ADGRL4: variants seen among roughly 807,000 people sequenced by gnomAD.
ADGRL4 encodes the protein adhesion G protein-coupled receptor L4.
ADGRL4 carries 90 observed loss-of-function variants against 74.8 expected under a neutral mutation model. The ratio of observed to expected loss-of-function variants is 1.20; its 90% CI spans 1.02 to 1.43. ADGRL4 has a LOEUF of 1.43. Ranked by LOEUF, ADGRL4 falls within the 40% of genes most tolerant of loss-of-function variation. The pLI, the probability that ADGRL4 is intolerant of heterozygous loss-of-function variation, is 0.00. For missense variants in ADGRL4, 881 were observed against 814.3 expected (o/e 1.08, Z -1.00); for synonymous variants, 311 against 279.2 (o/e 1.11, Z -1.14).
intron 2 of ADGRL4, among the ~76,000 whole-genome samples, chr1:78,994,289 C>T (rs1650671594): frequency 6.6e-6 from 1 of 152,144 alleles, no homozygotes; most frequent in Non-Finnish European, 1.5e-5. Context: ...GGGATTACAT[C>T]TGAAGTAATC....
intron 12 of ADGRL4, 72 bp downstream of exon 12, chr1:78,917,562 A>T: frequency 1.1e-6 from 1 of 919,972 alleles, no homozygotes; most frequent in Non-Finnish European, 1.6e-6. Flanking sequence ...ATAACACCTT[A>T]TTGCTGGAAA....
intron 7 of ADGRL4, among the ~76,000 whole-genome samples, chr1:78,935,529 T>TA (rs60057044): frequency 2.1e-3 from 306 of 147,716 alleles, no homozygotes; most frequent in African/African-American, 6.1e-3. Flanking sequence ...TAAGCAAAAT[T>TA]AAAAAAAAAA....
rs1283388715 is a variant in ADGRL4, at chr1:78,890,939, C to T, written c.*215G>A. ...ATCTGCAATACTATTTTTGACAGAA[C>T]TATTTCACATAGAAAAACATAGTAT... is the stretch of plus-strand genomic sequence containing the variant. On this transcript the variant is annotated 3_prime_UTR_variant, in exon 15 of 15. Coordinates refer to ENST00000370742, the MANE Select transcript of ADGRL4 (RefSeq NM_022159.4). The T allele has an allele frequency of 9.2e-6, 5 of 545,006 alleles. No homozygotes were observed. Among genetic ancestry groups the T allele is most frequent in the African/African-American group, 7.7e-5 (4 of 52,076 alleles). The allele number at this position is 545,006 out of a possible 1,614,324, so 33.8% of individuals were successfully genotyped here.
chr1:78,891,402 G>C (rs759976634), intron 14 of ADGRL4, 122 bp downstream of exon 14: 9 of 1,252,806 alleles, frequency 7.2e-6, no homozygotes, highest in Non-Finnish European at 9.8e-6. Context: ...CCTATGAACA[G>C]CTAGGCGATT....
At chr1:78,903,048 T>C (rs926773283) in intron 12 of ADGRL4, among the ~76,000 whole-genome samples, 1 of 152,188 alleles carries the variant, frequency 6.6e-6, no homozygotes, top group Non-Finnish European at 1.5e-5. Context: ...CAGCTGATAT[T>C]TTCCCACGGA....
intron 7 of ADGRL4, among the ~76,000 whole-genome samples, chr1:78,928,136 T>C (rs1557500795): frequency 6.6e-6 from 1 of 151,554 alleles, no homozygotes; most frequent in Non-Finnish European, 1.5e-5. Context: ...TCAGGAGTTG[T>C]AGTAGAAGAT....
At chr1:78,992,697 C>A (rs1240476638) in intron 2 of ADGRL4, among the ~76,000 whole-genome samples, 1 of 152,112 alleles carries the variant, frequency 6.6e-6, no homozygotes, top group Non-Finnish European at 1.5e-5. Context: ...TTTCAATAAT[C>A]TTGCCTCAGT....
intron 12 of ADGRL4, among the ~76,000 whole-genome samples, chr1:78,907,416 C>T (rs553218213): frequency 2.0e-4 from 31 of 152,090 alleles, no homozygotes; most frequent in Non-Finnish European, 3.2e-4. Context: ...ATTCTACATG[C>T]TAACCCCTAA....
intron 2 of ADGRL4, among the ~76,000 whole-genome samples, chr1:78,965,330 A>G (rs1650033046): frequency 6.6e-6 from 1 of 152,164 alleles, no homozygotes; most frequent in Non-Finnish European, 1.5e-5. Flanking sequence ...TAGAAAAAGA[A>G]ATATTTGGAG....
intron 2 of ADGRL4, among the ~76,000 whole-genome samples, chr1:78,996,307 G>C (rs1650713079): frequency 6.6e-6 from 1 of 151,692 alleles, no homozygotes; most frequent in African/African-American, 2.4e-5. Flanking sequence ...TTTAGCCTAG[G>C]CTCTAGATAT....
intron 6 of ADGRL4, among the ~76,000 whole-genome samples, chr1:78,936,973 T>C (rs1369601174): frequency 2.0e-5 from 3 of 152,200 alleles, no homozygotes; most frequent in Non-Finnish European, 4.4e-5. Context: ...ATGTCTGCAG[T>C]GATTATTTCA....
At chr1:78,962,587 T>C (rs899755188) in intron 2 of ADGRL4, among the ~76,000 whole-genome samples, 34 of 152,154 alleles carry the variant, frequency 2.2e-4, no homozygotes, top group Non-Finnish European at 3.7e-4. Context: ...ATTGATGATG[T>C]TAGGATAACA....
At chr1:78,985,206 TTCTA>T (rs947991248) in intron 2 of ADGRL4, among the ~76,000 whole-genome samples, 10 of 151,840 alleles carry the variant, frequency 6.6e-5, no homozygotes, top group Admixed American at 5.9e-4. Context: ...TAGTCTATCA[TTCTA>T]TCTATCTAAC....
intron 3 of ADGRL4, among the ~76,000 whole-genome samples, chr1:78,943,856 T>A (rs923600209): frequency 2.0e-5 from 3 of 152,148 alleles, no homozygotes; most frequent in Non-Finnish European, 2.9e-5. Flanking sequence ...GAATAATCCA[T>A]CAAACAAAAC....
At chr1:78,992,701 C>T (rs997967385) in intron 2 of ADGRL4, among the ~76,000 whole-genome samples, 1 of 152,024 alleles carries the variant, frequency 6.6e-6, no homozygotes, top group Non-Finnish European at 1.5e-5. Flanking sequence ...AATAATCTTG[C>T]CTCAGTGTTT....
At chr1:78,896,099 A>T (rs1310827324) in intron 12 of ADGRL4, among the ~76,000 whole-genome samples, 1 of 151,626 alleles carries the variant, frequency 6.6e-6, no homozygotes, top group Non-Finnish European at 1.5e-5. Context: ...AGGTGATCAG[A>T]CCCAATGGTT....
chr1:78,931,214 C>T (rs1050227401), intron 7 of ADGRL4, among the ~76,000 whole-genome samples: 1 of 151,040 alleles, frequency 6.6e-6, no homozygotes, highest in African/African-American at 2.5e-5. Context: ...GGAAGCTCAT[C>T]AGACTAAGAA....
intron 2 of ADGRL4, among the ~76,000 whole-genome samples, chr1:78,998,159 T>C (rs909980812): frequency 2.6e-5 from 4 of 152,044 alleles, no homozygotes; most frequent in Admixed American, 2.0e-4. Context: ...GTTCTTTATG[T>C]GCATTGAACT....
At chr1:78,956,499 C>T (rs1451690186) in intron 2 of ADGRL4, among the ~76,000 whole-genome samples, 1 of 152,138 alleles carries the variant, frequency 6.6e-6, no homozygotes, top group Non-Finnish European at 1.5e-5. Context: ...CAGTATTTGT[C>T]TAGTGTTCAA....
Sources: gnomAD v4.1 joint callset for allele counts (sites outside exome capture counted in the v4.1 genomes callset) on GRCh38, gnomAD v4.1.1 for gene constraint, MANE v1.5 for transcripts, NCBI Gene and HGNC (gene_info 2026-07-23, HGNC 2026-07-21) for gene names.